Variants in TANC1 observed in about 807,000 individuals in gnomAD.
The protein encoded by TANC1 is tetratricopeptide repeat, ankyrin repeat and coiled-coil containing 1, also known as protein TANC1.
Under a neutral mutation model 149.7 loss-of-function variants are expected in TANC1, and 77 were observed. The ratio of observed to expected loss-of-function variants is 0.51; its 90% CI spans 0.43 to 0.62. The LOEUF is 0.62. Among genes scored for constraint, TANC1 ranks in the 20% least tolerant of loss-of-function variants. The probability of loss-of-function intolerance (pLI) is 0.00; values close to 1 mark genes in which losing one functional copy is unlikely to be tolerated. For synonymous variants in TANC1, 854 were observed against 925.0 expected, an observed-to-expected ratio of 0.92 and a Z score of 1.39; for missense variants, 1,985 against 2,321.8, an observed-to-expected ratio of 0.85 and a Z score of 2.98.
Position 159,103,341 on chromosome 2 carries a change from G to A in TANC1, c.259+5507G>A, listed in dbSNP as rs1464209758. Among the ~76,000 whole-genome samples the A allele has an allele frequency of 3.1e-5, 3 of 95,784 alleles. 1 individual carries two copies. Among genetic ancestry groups the A allele is most frequent in the African/African-American group, 8.7e-5 (3 of 34,522 alleles). 62.8% of individuals were successfully genotyped at this position (95,784 alleles called of 152,430 possible). On this transcript the variant is annotated intron_variant, in intron 4 of 26. Coordinates refer to ENST00000263635, the MANE Select transcript of TANC1 (RefSeq NM_033394.3). The stretch of plus-strand genomic sequence containing the variant: ...ATAGTGCCCACTTCCTTTCCAGAAA[G>A]GCTGTATTGATTTCATATTCCCCCC...
intron 2 of TANC1, among the ~76,000 whole-genome samples, chr2:159,025,164 T>C (rs964524886): frequency 2.6e-4 from 38 of 146,606 alleles, no homozygotes; most frequent in African/African-American, 9.2e-4. Flanking sequence ...CTTTCTCTTT[T>C]TCTTTCTTTC....
Position 159,227,876 on chromosome 2 carries a change from C to G in TANC1, c.3961C>G (p.Arg1321Gly). The change falls in exon 25 of 27, where the codon CGA (arginine) becomes GGA (glycine). Residue 1321 changes from arginine to glycine, a missense_variant. Arg to Gly is a moderately radical substitution (Grantham distance 125). Around this residue, in one of 3 missense-constraint regions of TANC1, gnomAD observed 920 missense variants for 994.7 expected, o/e 0.92. Coordinates refer to ENST00000263635, the MANE Select transcript of TANC1 (RefSeq NM_033394.3). ...CCAGTATGCCTTAAGAAAGTTTCCTCGAGAAGGATTCGGAGAGGACATGAG... is the reference window on the plus strand; with the variant it reads ...CCAGTATGCCTTAAGAAAGTTTCCTGGAGAAGGATTCGGAGAGGACATGAG... ...RYQYALRKFP[R>G]EGFGEDMRPF... 6.2e-7 allele frequency: 1 copy of G among 1,614,092 alleles called. No homozygotes were observed. The highest frequency in any genetic ancestry group is 8.5e-7 in the Non-Finnish European group (1 of 1,179,984).
chr2:159,071,023 T>C (rs893543713), intron 3 of TANC1, among the ~76,000 whole-genome samples: 1 of 152,194 alleles, frequency 6.6e-6, no homozygotes, highest in Non-Finnish European at 1.5e-5. Flanking sequence ...CCTGGAGATT[T>C]TGTCCTTACT....
At chr2:159,153,794 G>A (rs1387033157) in intron 7 of TANC1, among the ~76,000 whole-genome samples, 3 of 152,236 alleles carry the variant, frequency 2.0e-5, no homozygotes, top group African/African-American at 7.2e-5. Flanking sequence ...GAGTAGGGGT[G>A]TGCCTTTTCC....
chr2:159,211,671 T>G (rs2058990877), intron 19 of TANC1, among the ~76,000 whole-genome samples: 1 of 152,198 alleles, frequency 6.6e-6, no homozygotes, highest in Non-Finnish European at 1.5e-5. Flanking sequence ...AAACTTGAGA[T>G]CCCCTGAAAA....
intron 4 of TANC1, among the ~76,000 whole-genome samples, chr2:159,110,899 A>G (rs1470172572): frequency 1.3e-5 from 2 of 152,226 alleles, no homozygotes; most frequent in Non-Finnish European, 2.9e-5. Flanking sequence ...CATGCAGCAC[A>G]GCCCTCCTTC....
chr2:159,082,792 T>C (rs1314036368), intron 3 of TANC1, among the ~76,000 whole-genome samples: 1 of 152,174 alleles, frequency 6.6e-6, no homozygotes, highest in African/African-American at 2.4e-5. Flanking sequence ...AGAGTCAGTG[T>C]TCACCTTTGG....
At chr2:159,062,598 T>C (rs186816126) in intron 2 of TANC1, among the ~76,000 whole-genome samples, 3 of 152,334 alleles carry the variant, frequency 2.0e-5, no homozygotes, top group Admixed American at 2.0e-4. Context: ...TACCACTGCC[T>C]TCTCTTTGGT....
chr2:159,176,570 T>C, intron 13 of TANC1, 52 bp downstream of exon 13: 1 of 1,349,130 alleles, frequency 7.4e-7, no homozygotes, highest in Middle Eastern at 1.8e-4. Flanking sequence ...AATTTTACAG[T>C]GATAAATGTT....
intron 1 of TANC1, among the ~76,000 whole-genome samples, chr2:158,998,718 C>T (rs568987486): frequency 6.6e-6 from 1 of 152,210 alleles, no homozygotes; most frequent in East Asian, 1.9e-4. Flanking sequence ...GGCACAAGGG[C>T]GGCTTTAAGG....
At chr2:159,166,737 C>T (rs1476876049) in intron 8 of TANC1, among the ~76,000 whole-genome samples, 1 of 152,216 alleles carries the variant, frequency 6.6e-6, no homozygotes, top group African/African-American at 2.4e-5. Flanking sequence ...AGCACCTGGG[C>T]ACATAGCTAA....
intron 16 of TANC1, among the ~76,000 whole-genome samples, chr2:159,191,703 G>A (rs2057455806): frequency 6.6e-6 from 1 of 152,176 alleles, no homozygotes; most frequent in Non-Finnish European, 1.5e-5. Flanking sequence ...CTACTTGGTA[G>A]TATAATTTTC....
intron 7 of TANC1, 84 bp downstream of exon 7, chr2:159,150,640 G>A: frequency 1.8e-6 from 2 of 1,125,364 alleles, no homozygotes; most frequent in Non-Finnish European, 2.6e-6. Flanking sequence ...GAGGGTTTTA[G>A]CATGGTCTGT....
intron 4 of TANC1, among the ~76,000 whole-genome samples, chr2:159,131,761 G>C (rs1490352494): frequency 1.3e-5 from 2 of 152,236 alleles, no homozygotes; most frequent in Non-Finnish European, 2.9e-5. Flanking sequence ...ATGAGTGATT[G>C]TGGGGGACAA....
At chr2:159,186,832 C>T (rs773223587) in intron 15 of TANC1, 70 bp from the exon 16 acceptor site, 98 of 1,597,598 alleles carry the variant, frequency 6.1e-5, no homozygotes, top group Non-Finnish European at 8.0e-5. Context: ...AGTGACCCTG[C>T]AGGTGGGAAG....
chr2:159,091,961 T>TG (rs369325870), intron 3 of TANC1, among the ~76,000 whole-genome samples: 23,537 of 135,006 alleles, frequency 0.17, 2,889 homozygotes, highest in Non-Finnish European at 0.26. Flanking sequence ...TCTGTAAATA[T>TG]AGGGGGGGGT....
intron 2 of TANC1, among the ~76,000 whole-genome samples, chr2:159,032,414 G>C (rs1307743669): frequency 6.6e-6 from 1 of 152,132 alleles, no homozygotes; most frequent in East Asian, 1.9e-4. Flanking sequence ...TATCTCTCCT[G>C]GATATAGTGG....
chr2:159,104,974 A>C, intron 4 of TANC1, among the ~76,000 whole-genome samples: 1 of 88,618 alleles, frequency 1.1e-5, no homozygotes, highest in Admixed American at 1.2e-4. Flanking sequence ...TGATTGTTGG[A>C]TATTTGCTTT....
At chr2:159,088,385 C>A in intron 3 of TANC1, among the ~76,000 whole-genome samples, 1 of 152,130 alleles carries the variant, frequency 6.6e-6, no homozygotes, top group Non-Finnish European at 1.5e-5. Context: ...AATTTTAGCT[C>A]CTTCCCTCTG....
Sources: allele counts gnomAD v4.1 joint callset (sites outside exome capture counted in the v4.1 genomes callset), GRCh38; gene constraint gnomAD v4.1.1; regional missense constraint gnomAD v4.1.1; transcripts MANE v1.5; gene names NCBI Gene and HGNC (gene_info 2026-07-23, HGNC 2026-07-21).